Variants in MDGA2 observed in about 807,000 individuals in gnomAD.
The protein encoded by MDGA2 is MAM domain-containing glycosylphosphatidylinositol anchor protein 2.
MDGA2 carries 40 observed loss-of-function variants against 117.8 expected under a neutral mutation model. The ratio of observed to expected loss-of-function variants is 0.34; its 90% CI spans 0.26 to 0.44. MDGA2 has a LOEUF of 0.44. Among genes scored for constraint, MDGA2 ranks in the 20% least tolerant of loss-of-function variants. The pLI, the probability that MDGA2 is intolerant of heterozygous loss-of-function variation, is 1.00. For synonymous variants in MDGA2, 452 were observed against 439.0 expected (o/e 1.03, Z -0.37); for missense variants, 1,123 against 1,250.6 (o/e 0.90, Z 1.54).
At chr14:47,624,335 G>A (rs1897102867) in intron 1 of MDGA2, among the ~76,000 whole-genome samples, 1 of 152,150 alleles carries the variant, frequency 6.6e-6, no homozygotes, top group Non-Finnish European at 1.5e-5. Flanking sequence ...GCGGCCATCT[G>A]TAATCCCAGC....
chr14:47,002,219 T>C (rs997405955), intron 8 of MDGA2, among the ~76,000 whole-genome samples: 1 of 152,072 alleles, frequency 6.6e-6, no homozygotes, highest in Non-Finnish European at 1.5e-5. Flanking sequence ...AAAACAAGGA[T>C]AGAAAATCAG....
At position 47,173,222 on chromosome 14, in the gene MDGA2, T is replaced by G. The variant is rs995973273; in HGVS notation, c.596-28948A>C. On this transcript the variant is annotated intron_variant, in intron 3 of 16. Transcript: ENST00000399232. ...AGAATGGAACCAAGTTGGAAAACAC[T>G]CTGCAGGATATTATCCAGGAGAACT... Among the ~76,000 whole-genome samples, 11 of 152,250 alleles carry G rather than the reference T, an allele frequency of 7.2e-5. No individual in the cohort carries two copies. In the East Asian group the frequency reaches 7.7e-4, roughly 11 times the overall value.
chr14:46,928,428 T>C (rs1434736930), intron 9 of MDGA2, among the ~76,000 whole-genome samples: 1 of 152,160 alleles, frequency 6.6e-6, no homozygotes, highest in Admixed American at 6.5e-5. Flanking sequence ...CTCTCTTGCA[T>C]TTATAGATTC....
At chr14:47,423,317 C>G (rs956290835) in intron 1 of MDGA2, among the ~76,000 whole-genome samples, 6 of 152,150 alleles carry the variant, frequency 3.9e-5, no homozygotes, top group Non-Finnish European at 5.9e-5. Context: ...TTTTCCTCTT[C>G]CATACTAAGT....
intron 5 of MDGA2, among the ~76,000 whole-genome samples, chr14:47,103,330 G>A (rs751948561): frequency 6.6e-6 from 1 of 152,034 alleles, no homozygotes; most frequent in Non-Finnish European, 1.5e-5. Context: ...TTTTCAACAG[G>A]TATTTCATTG....
intron 1 of MDGA2, among the ~76,000 whole-genome samples, chr14:47,593,423 T>C (rs558426205): frequency 6.6e-6 from 1 of 152,296 alleles, no homozygotes; most frequent in African/African-American, 2.4e-5. Flanking sequence ...TAAAGATACA[T>C]GCATGCGTTT....
intron 7 of MDGA2, among the ~76,000 whole-genome samples, chr14:47,036,054 G>A (rs1012002020): frequency 4.6e-5 from 7 of 151,860 alleles, no homozygotes; most frequent in African/African-American, 1.7e-4. Context: ...AGGATCACGA[G>A]GTCAGGAGAT....
intron 1 of MDGA2, among the ~76,000 whole-genome samples, chr14:47,651,213 GGTGT>G (rs56853118): frequency 0.26 from 38,641 of 146,224 alleles, 5,463 homozygotes; most frequent in South Asian, 0.46. Context: ...GTGTGCATGT[GGTGT>G]GTGTGTGTGT....
chr14:47,515,238 T>C (rs1340887433), intron 1 of MDGA2, among the ~76,000 whole-genome samples: 1 of 152,136 alleles, frequency 6.6e-6, no homozygotes, highest in African/African-American at 2.4e-5. Flanking sequence ...ATTATAAAGA[T>C]GATGCCACAG....
chr14:46,865,169 T>C (rs1023227183), intron 14 of MDGA2, among the ~76,000 whole-genome samples: 1 of 152,076 alleles, frequency 6.6e-6, no homozygotes, highest in Non-Finnish European at 1.5e-5. Flanking sequence ...TCATGCAAAA[T>C]ACCATCTTTG....
chr14:47,364,733 A>C (rs749711713), intron 1 of MDGA2, among the ~76,000 whole-genome samples: 1 of 152,260 alleles, frequency 6.6e-6, no homozygotes, highest in Non-Finnish European at 1.5e-5. Context: ...AAACAAAAGC[A>C]AATACAGATA....
At chr14:47,540,492 G>A (rs1189859233) in intron 1 of MDGA2, among the ~76,000 whole-genome samples, 3 of 145,894 alleles carry the variant, frequency 2.1e-5, no homozygotes, top group South Asian at 2.2e-4. Flanking sequence ...GTGTGTATAC[G>A]TGTGTGTGTT....
chr14:47,309,110 T>C (rs1889553190), intron 1 of MDGA2, among the ~76,000 whole-genome samples: 1 of 152,192 alleles, frequency 6.6e-6, no homozygotes, highest in African/African-American at 2.4e-5. Flanking sequence ...ATCTATTCAA[T>C]AATTTCTTCA....
At chr14:47,249,670 G>A (rs1310172971) in intron 2 of MDGA2, among the ~76,000 whole-genome samples, 3 of 152,072 alleles carry the variant, frequency 2.0e-5, no homozygotes, top group African/African-American at 7.2e-5. Context: ...CTTCTTCAGA[G>A]TTTATTGTTA....
chr14:47,154,247 T>C (rs902997307), intron 3 of MDGA2, among the ~76,000 whole-genome samples: 5 of 152,160 alleles, frequency 3.3e-5, no homozygotes, highest in African/African-American at 9.7e-5. Flanking sequence ...AAATAGCTAT[T>C]TTTTAGTAAA....
chr14:47,455,580 T>C (rs756159116), intron 1 of MDGA2, among the ~76,000 whole-genome samples: 62 of 152,026 alleles, frequency 4.1e-4, no homozygotes, highest in African/African-American at 9.4e-4. Flanking sequence ...ATAGTAAATA[T>C]TAGATAACAA....
At chr14:47,546,693 G>T (rs1895469371) in intron 1 of MDGA2, among the ~76,000 whole-genome samples, 1 of 152,160 alleles carries the variant, frequency 6.6e-6, no homozygotes, top group South Asian at 2.1e-4. Flanking sequence ...TTTTGACCAG[G>T]GATCTGGCCA....
In MDGA2 at chr14:47,270,014, C is replaced by T. The variant is rs1017049687; in HGVS notation, c.420+31397G>A. 5.3e-5 allele frequency among the ~76,000 whole-genome samples: 8 copies of T among 152,108 alleles called. No homozygotes were observed. The East Asian group carries it at 7.7e-4, about 15-fold the overall frequency. Reference sequence around the variant, plus strand: ...CACAGTTGGAAAAGTGAAAGCACAGCGTGGAGCCATTTCCATTAAAGGAAT... The same window carrying T: ...CACAGTTGGAAAAGTGAAAGCACAGTGTGGAGCCATTTCCATTAAAGGAAT... On this transcript the variant is annotated intron_variant, in intron 2 of 16. Transcript: ENST00000399232.
chr14:47,442,800 A>G (rs1199290337), intron 1 of MDGA2, among the ~76,000 whole-genome samples: 1 of 152,122 alleles, frequency 6.6e-6, no homozygotes, highest in African/African-American at 2.4e-5. Flanking sequence ...CTGTGGTCTG[A>G]AAATATTAAA....
Sources: gnomAD v4.1 joint callset for allele counts (sites outside exome capture counted in the v4.1 genomes callset) on GRCh38, gnomAD v4.1.1 for gene constraint, MANE v1.5 for transcripts, NCBI Gene and HGNC (gene_info 2026-07-23, HGNC 2026-07-21) for gene names.